PDCD6: variants seen among roughly 807,000 people sequenced by gnomAD.
The protein encoded by PDCD6 is programmed cell death protein 6.
A neutral mutation model predicts 28.3 loss-of-function variants in PDCD6; 12 were observed. The ratio of observed to expected loss-of-function variants is 0.42; its 90% CI spans 0.27 to 0.69. PDCD6 has a LOEUF of 0.69. Among genes scored for constraint, PDCD6 ranks in the 30% least tolerant of loss-of-function variants. PDCD6 has a pLI of 0.22. For synonymous variants in PDCD6, 92 were observed against 108.0 expected (o/e 0.85, Z 0.92); for missense variants, 226 against 269.9 (o/e 0.84, Z 1.14).
chr5:292,844 A>G (rs999621075), intron 2 of PDCD6, among the ~76,000 whole-genome samples: 3 of 152,304 alleles, frequency 2.0e-5, no homozygotes, highest in Admixed American at 2.0e-4. Context: ...CATTTCTGCC[A>G]TGGTTGGCTC....
At chr5:291,131 C>A (rs965948285) in intron 2 of PDCD6, among the ~76,000 whole-genome samples, 1 of 152,112 alleles carries the variant, frequency 6.6e-6, no homozygotes, top group African/African-American at 2.4e-5. Context: ...TCAGTTCCTG[C>A]TTTAGTCTTT....
chr5:301,175 G>T (rs1227163321), intron 2 of PDCD6, among the ~76,000 whole-genome samples: 2 of 152,210 alleles, frequency 1.3e-5, no homozygotes, highest in African/African-American at 4.8e-5. Context: ...CAGGGCCACG[G>T]ACGCAGAAGA....
At chr5:306,872 GT>G in intron 4 of PDCD6, 112 bp downstream of exon 4, 1 of 1,115,520 alleles carries the variant, frequency 9.0e-7, no homozygotes, top group Non-Finnish European at 1.4e-6. Context: ...GCTACGTAAA[GT>G]TTTTGTTGAC....
In PDCD6 at chr5:280,282, T is replaced by G. The variant is rs376635398; in HGVS notation, c.163+7510T>G. ...GAGCCTGTGTGGTTTGAGGAACGGA[T>G]AGAGGCCTGTCCGGCAGGAAGGGAA... On this transcript the variant is annotated intron_variant, in intron 2 of 5. Coordinates refer to ENST00000264933, the MANE Select transcript of PDCD6 (RefSeq NM_013232.4). Among the ~76,000 whole-genome samples the G allele has an allele frequency of 6.6e-5, 10 of 151,764 alleles. No individual in the cohort carries two copies. The East Asian group carries it at 1.2e-3, about 18-fold the overall frequency.
intron 2 of PDCD6, among the ~76,000 whole-genome samples, chr5:286,380 G>A (rs896821647): frequency 2.0e-5 from 3 of 152,154 alleles, no homozygotes; most frequent in African/African-American, 7.2e-5. Flanking sequence ...CCGGGGGTGA[G>A]CTGATGTTCC....
At chr5:274,769 T>G (rs12519592) in intron 2 of PDCD6, among the ~76,000 whole-genome samples, 1 of 151,814 alleles carries the variant, frequency 6.6e-6, no homozygotes, top group Admixed American at 6.6e-5. Context: ...TTTGGGTTCC[T>G]GTATTTTCAC....
chr5:281,178 C>A lies in PDCD6; in HGVS notation c.163+8406C>A, dbSNP rs544181937. On this transcript the variant is annotated intron_variant, in intron 2 of 5. Transcript: ENST00000264933. ...CTAATGGAAAGTAGAAAAGTTAACT[C>A]ATGAACATAAAAGAGACATCGATTT... Among the ~76,000 whole-genome samples, 6 of 152,358 alleles carry A rather than the reference C, an allele frequency of 3.9e-5. No individual in the cohort carries two copies. In the South Asian group the frequency reaches 8.3e-4, roughly 21 times the overall value.
chr5:314,401 C>T lies in PDCD6; in HGVS notation c.478-16C>T, dbSNP rs1166399239. The T allele has an allele frequency of 1.9e-6, 3 of 1,588,410 alleles. No individual in the cohort carries two copies. The African/African-American group carries it at 4.0e-5, about 21-fold the overall frequency. On this transcript the variant is annotated splice_polypyrimidine_tract_variant and intron_variant, in intron 5 of 5. Transcript: ENST00000264933. ...TCCATTTACTATCGAGATTTAAATG[C>T]CTGTTTTCTCCCCAGAGGTTGACGG...
At chr5:273,309 T>G (rs1474562969) in intron 2 of PDCD6, 1 of 157,710 alleles carries the variant, frequency 6.3e-6, no homozygotes, top group Non-Finnish European at 1.4e-5. Flanking sequence ...GGAGGTGTTC[T>G]TATCAGTGTG....
chr5:313,583 C>T (rs1162873036), intron 5 of PDCD6: 1 of 152,290 alleles, frequency 6.6e-6, no homozygotes, highest in African/African-American at 2.4e-5. Context: ...GCCTTGGCCT[C>T]CTGAGTAGCT....
At chr5:300,452 T>G (rs1489735816) in intron 2 of PDCD6, among the ~76,000 whole-genome samples, 4 of 152,224 alleles carry the variant, frequency 2.6e-5, no homozygotes, top group African/African-American at 9.6e-5. Context: ...CCTTTCAAGT[T>G]GGAGGGTGGT....
chr5:280,243 C>G (rs1046489830), intron 2 of PDCD6, among the ~76,000 whole-genome samples: 2 of 152,150 alleles, frequency 1.3e-5, no homozygotes, highest in African/African-American at 4.8e-5. Context: ...GGGCAAAGGC[C>G]TGGAGTCAGG....
chr5:298,559 C>T (rs1292802080), intron 2 of PDCD6, among the ~76,000 whole-genome samples: 2 of 151,496 alleles, frequency 1.3e-5, no homozygotes, highest in Admixed American at 6.6e-5. Context: ...GGGTTCCTCC[C>T]GGCCTCGCTG....
intron 2 of PDCD6, among the ~76,000 whole-genome samples, chr5:281,753 CGGAGAGGAGCTGATGTTTT>C (rs1459455961): frequency 6.7e-6 from 1 of 150,164 alleles, no homozygotes; most frequent in African/African-American, 2.4e-5. Flanking sequence ...GCTGGAGATC[CGGAGAGGAGCTGATGTTTT>C]AGATTGAGGG....
At chr5:274,855 A>C (rs551929811) in intron 2 of PDCD6, among the ~76,000 whole-genome samples, 1 of 152,208 alleles carries the variant, frequency 6.6e-6, no homozygotes, top group Non-Finnish European at 1.5e-5. Context: ...GCAAGTGTCT[A>C]TCAGAACATA....
rs879651426 is a variant in PDCD6 at position 307,239 on chromosome 5, CT to C, written c.367+480del. ...CTCAGGTGTGCTCGGCGTGTGTGTG[CT>C]CGGCGTGTGTGTGCTCGGCGTGTGT... On this transcript the variant is annotated intron_variant, in intron 4 of 5. Transcript: ENST00000264933. The surrounding 1 kb of genome is among the most constrained non-coding windows in gnomAD (Gnocchi z 6.1). Among the ~76,000 whole-genome samples the C allele has an allele frequency of 1.3e-3, 179 of 134,180 alleles. No individual in the cohort carries two copies. The highest frequency in any genetic ancestry group is 1.6e-3 in the Non-Finnish European group (104 of 63,892). 88.0% of individuals were successfully genotyped at this position (134,180 alleles called of 152,430 possible).
chr5:311,678 TTTTTTTG>T (rs969680102), intron 5 of PDCD6: 1 of 394,580 alleles, frequency 2.5e-6, no homozygotes, highest in African/African-American at 2.1e-5. Flanking sequence ...GTGTTGTGGT[TTTTTTTG>T]TTTTTTGTTT....
At chr5:301,222 T>C (rs1041133864) in intron 2 of PDCD6, among the ~76,000 whole-genome samples, 2 of 152,052 alleles carry the variant, frequency 1.3e-5, no homozygotes, top group African/African-American at 4.8e-5. Flanking sequence ...AGACAGAGGA[T>C]TGATTGCCCA....
intron 2 of PDCD6, chr5:289,252 A>G (rs1334453255): frequency 1.2e-5 from 7 of 572,376 alleles, no homozygotes; most frequent in Admixed American, 1.1e-4. Context: ...TTCAAATCAC[A>G]TTCCCTGAAA....
Sources: gnomAD v4.1 joint callset for allele counts (sites outside exome capture counted in the v4.1 genomes callset) on GRCh38, gnomAD v4.1.1 for gene constraint, Gnocchi (gnomAD v3.1) non-coding constraint, MANE v1.5 for transcripts, NCBI Gene and HGNC (gene_info 2026-07-23, HGNC 2026-07-21) for gene names.